Variants in DOC2B observed in about 807,000 individuals in gnomAD.
The protein encoded by DOC2B is double C2 domain beta.
Under a neutral mutation model 28.9 loss-of-function variants are expected in DOC2B, and 21 were observed. The ratio of observed to expected loss-of-function variants is 0.73; its 90% CI spans 0.52 to 1.05. DOC2B has a LOEUF of 1.05. Ranked by LOEUF, DOC2B falls within the 50% of genes least tolerant of loss-of-function variation. The pLI is 0.00. For missense variants in DOC2B, 384 were observed against 421.1 expected (o/e 0.91, Z 0.77); for synonymous variants, 194 against 178.1 (o/e 1.09, Z -0.71).
In DOC2B at chr17:148,177, G is replaced by A. The variant is rs914498692; in HGVS notation, c.1098C>T (p.Phe366=). The A allele has an allele frequency of 5.0e-6, 2 of 398,472 alleles. No homozygotes were observed. Among genetic ancestry groups the A allele is most frequent in the Non-Finnish European group, 8.8e-6 (2 of 226,076 alleles). 24.7% of individuals were successfully genotyped at this position (398,472 alleles called of 1,614,324 possible). A position where few individuals can be genotyped will look rare whatever the true frequency, so the allele number is the denominator to read the frequency against. The change falls in exon 8 of 9, where the codon TTC becomes TTT. Residue 366 remains phenylalanine, a synonymous_variant. Coordinates refer to ENST00000613549, the MANE Select transcript of DOC2B (RefSeq NM_003585.5). ...WDYDIGKSND[F]IGGVVLGIHA... ...GTTCCCACTATGCCCCCTTACCAAT[G>A]AAATCGTTGGATTTTCCAATGTCGT...
chr17:148,507 G>A lies in DOC2B; in HGVS notation c.1006-238C>T, dbSNP rs1035627903. Among the ~76,000 whole-genome samples, 1,213 of 152,078 alleles carry A rather than the reference G, an allele frequency of 8.0e-3. 11 individuals are homozygous for A. Among genetic ancestry groups the A allele is most frequent in the African/African-American group, 0.026 (1,095 of 41,488 alleles). ...CCTGAGCCTGCTCTCCCCACACCCC[G>A]GGAGCCTCCTGACTGCAGAGGCACT... On this transcript the variant is annotated intron_variant, in intron 7 of 8. Coordinates refer to ENST00000613549, the MANE Select transcript of DOC2B (RefSeq NM_003585.5).
At chr17:154,041 G>A (rs988546149) in intron 6 of DOC2B, among the ~76,000 whole-genome samples, 16 of 152,270 alleles carry the variant, frequency 1.1e-4, no homozygotes, top group African/African-American at 3.1e-4. Context: ...CCTGCAACAC[G>A]TGGCCGTCTG....
At chr17:148,549 T>G (rs1220576725) in intron 7 of DOC2B, among the ~76,000 whole-genome samples, 1 of 152,034 alleles carries the variant, frequency 6.6e-6, no homozygotes, top group African/African-American at 2.4e-5. Context: ...CCCACAGTCC[T>G]TGTCATCCTG....
At chr17:164,561 C>T (rs961606345) in intron 2 of DOC2B, among the ~76,000 whole-genome samples, 3 of 152,182 alleles carry the variant, frequency 2.0e-5, no homozygotes, top group Non-Finnish European at 4.4e-5. Context: ...ATCTACCAAG[C>T]GTGGCCTCCT....
intron 6 of DOC2B, among the ~76,000 whole-genome samples, chr17:152,187 C>A (rs575041120): frequency 6.6e-6 from 1 of 152,242 alleles, no homozygotes; most frequent in South Asian, 2.1e-4. Flanking sequence ...CATAAGACAG[C>A]CAGAGAAGGG....
At chr17:178,196 A>C (rs751422499) in intron 1 of DOC2B, among the ~76,000 whole-genome samples, 20 of 152,180 alleles carry the variant, frequency 1.3e-4, no homozygotes, top group South Asian at 4.1e-4. Context: ...TCTGCACCTG[A>C]ACCTTCCTCA....
At chr17:172,686 A>C in intron 1 of DOC2B, 70 bp from the exon 2 acceptor site, 1 of 1,334,676 alleles carries the variant, frequency 7.5e-7, no homozygotes, top group Non-Finnish European at 1.0e-6. Context: ...CCCCTGTGAG[A>C]CCAGATGAGC....
intron 2 of DOC2B, among the ~76,000 whole-genome samples, chr17:169,135 T>C (rs34541145): frequency 6.6e-6 from 1 of 152,002 alleles, no homozygotes; most frequent in African/African-American, 2.4e-5. Flanking sequence ...TAGTCTGAAG[T>C]ATCATTCAGC....
Position 144,096 on chromosome 17 carries a change from GGCGGGCGGGGC to G in DOC2B, c.*3334_*3344del, listed in dbSNP as rs2040002936. ...CGGCGGGCGGGGCGGCGGGCGGGGC[GGCGGGCGGGGC>G]GGCGCTGGAGGCAGCGCCTGGTTAC... On this transcript the variant is annotated 3_prime_UTR_variant, in exon 9 of 9. Transcript: ENST00000613549. 1 of 149,740 alleles carries G rather than the reference GGCGGGCGGGGC, an allele frequency of 6.7e-6. No individual in the cohort carries two copies. Among genetic ancestry groups the G allele is most frequent in the Non-Finnish European group, 1.5e-5 (1 of 67,440 alleles). 9.3% of individuals were successfully genotyped at this position (149,740 alleles called of 1,614,324 possible). A position where few individuals can be genotyped will look rare whatever the true frequency, so the allele number is the denominator to read the frequency against.
At position 172,165 on chromosome 17, in the gene DOC2B, C is replaced by T. The variant is rs376212340; in HGVS notation, c.453+372G>A. On this transcript the variant is annotated intron_variant, in intron 2 of 8. Coordinates refer to ENST00000613549, the MANE Select transcript of DOC2B (RefSeq NM_003585.5). ...AAAGTGGCGTCCCCACTCCTCAGGG[C>T]GTCTGGGAGGCCTGGAGGCACCAGT... is the stretch of plus-strand genomic sequence containing the variant. 7.9e-5 allele frequency among the ~76,000 whole-genome samples: 12 copies of T among 152,150 alleles called. 1 individual carries two copies. The highest frequency in any genetic ancestry group is 2.9e-4 in the African/African-American group (12 of 41,492).
rs2040001478 is a variant in DOC2B at position 143,986 on chromosome 17, G to A, written c.*3455C>T. ...CGGGCTCGGCGGGCGGACGGGCCGGGGCGCAGTTCCCCGCGCTCGCCACTA... is the reference window on the plus strand; with the variant it reads ...CGGGCTCGGCGGGCGGACGGGCCGGAGCGCAGTTCCCCGCGCTCGCCACTA... On this transcript the variant is annotated 3_prime_UTR_variant, in exon 9 of 9. Transcript: ENST00000613549. 6.6e-6 allele frequency: 1 copy of A among 152,566 alleles called. No individual in the cohort carries two copies. The highest frequency in any genetic ancestry group is 1.8e-4 in the South Asian group (1 of 5,508). 9.5% of individuals were successfully genotyped at this position (152,566 alleles called of 1,614,324 possible).
chr17:155,898 C>A, intron 6 of DOC2B: 1 of 350,974 alleles, frequency 2.8e-6, no homozygotes. Context: ...ACTGGCCCCG[C>A]CTTCTGTCCC....
At chr17:174,386 A>G (rs2040346084) in intron 1 of DOC2B, among the ~76,000 whole-genome samples, 1 of 152,220 alleles carries the variant, frequency 6.6e-6, no homozygotes, top group African/African-American at 2.4e-5. Context: ...GGAGGTGCTC[A>G]GTAGATCATT....
chr17:148,000 C>T (rs2040034426), intron 8 of DOC2B, among the ~76,000 whole-genome samples, 173 bp downstream of exon 8: 2 of 152,282 alleles, frequency 1.3e-5, no homozygotes, highest in Non-Finnish European at 2.9e-5. Flanking sequence ...CCTTCCATCC[C>T]TGGGCCTGTC....
At position 145,358 on chromosome 17, in the gene DOC2B, T is replaced by TCACCC; in HGVS notation, c.*2078_*2082dup. The TCACCC allele has an allele frequency of 6.6e-6, 1 of 152,440 alleles. No homozygotes were observed. Among genetic ancestry groups the TCACCC allele is most frequent in the Middle Eastern group, 3.4e-3 (1 of 298 alleles). 9.4% of individuals were successfully genotyped at this position (152,440 alleles called of 1,614,324 possible). A position where few individuals can be genotyped will look rare whatever the true frequency, so the allele number is the denominator to read the frequency against. ...AGAGGACCTGGGTTTGAGTCCTGGT[T>TCACCC]CACCCCTTCCTGGCTGTGTGGCCTT... On this transcript the variant is annotated 3_prime_UTR_variant, in exon 9 of 9. Transcript: ENST00000613549.
intron 1 of DOC2B, among the ~76,000 whole-genome samples, 195 bp downstream of exon 1, chr17:180,912 G>A (rs973055478): frequency 4.6e-5 from 7 of 151,852 alleles, no homozygotes; most frequent in African/African-American, 7.2e-5. Context: ...TGGGTCGGGG[G>A]AGGGCTCGAG....
chr17:147,422 T>A lies in DOC2B; in HGVS notation c.*19A>T, dbSNP rs1242693940. 7 of 398,664 alleles carry A rather than the reference T, an allele frequency of 1.8e-5. No individual in the cohort carries two copies. The highest frequency in any genetic ancestry group is 6.2e-5 in the African/African-American group (3 of 48,588). 24.7% of individuals were successfully genotyped at this position (398,664 alleles called of 1,614,324 possible). On this transcript the variant is annotated 3_prime_UTR_variant, in exon 9 of 9. Transcript: ENST00000613549. ...TGCTGGGCGCAGGTGGCGGCAGGGG[T>A]AGCAGTGGCGGGTGGGCGTCAGTCG... is the stretch of plus-strand genomic sequence containing the variant.
chr17:150,404 G>T (rs994770029), intron 6 of DOC2B, among the ~76,000 whole-genome samples: 2 of 151,738 alleles, frequency 1.3e-5, no homozygotes, highest in African/African-American at 4.9e-5. Context: ...CCCATGTCCA[G>T]CTTAACCTGC....
At chr17:150,454 G>C (rs1398253639) in intron 6 of DOC2B, among the ~76,000 whole-genome samples, 1 of 152,056 alleles carries the variant, frequency 6.6e-6, no homozygotes, top group Non-Finnish European at 1.5e-5. Flanking sequence ...ACACGCCCAT[G>C]TCCAGCTTAT....
Sources: allele counts gnomAD v4.1 joint callset (sites outside exome capture counted in the v4.1 genomes callset), GRCh38; gene constraint gnomAD v4.1.1; transcripts MANE v1.5; gene names NCBI Gene and HGNC (gene_info 2026-07-23, HGNC 2026-07-21).